PLCB1: variants seen among roughly 807,000 people sequenced by gnomAD.
PLCB1 encodes the protein 1-phosphatidylinositol 4,5-bisphosphate phosphodiesterase beta-1.
In PLCB1, 46 loss-of-function variants were observed where a neutral mutation model predicts 161.8. That is an observed-to-expected ratio of 0.28 (90% confidence interval 0.22 to 0.36). The LOEUF (loss-of-function observed/expected upper bound fraction) is 0.36. PLCB1 is among the 10% of genes least tolerant of loss of function. The pLI, the probability that PLCB1 is intolerant of heterozygous loss-of-function variation, is 1.00. For missense variants in PLCB1, 1,016 were observed against 1,472.5 expected, an observed-to-expected ratio of 0.69 and a Z score of 5.07; for synonymous variants, 517 against 503.7, an observed-to-expected ratio of 1.03 and a Z score of -0.35.
chr20:8,337,780 G>A (rs1303429105), intron 2 of PLCB1, among the ~76,000 whole-genome samples: 1 of 152,136 alleles, frequency 6.6e-6, no homozygotes, highest in Non-Finnish European at 1.5e-5. Context: ...GGAAATAAGT[G>A]ATTTCTTTTC....
chr20:8,654,717 C>T (rs1043961174), intron 7 of PLCB1, among the ~76,000 whole-genome samples: 2 of 151,926 alleles, frequency 1.3e-5, no homozygotes, highest in Non-Finnish European at 2.9e-5. Flanking sequence ...GAGTATTAGA[C>T]CTTGGATTTC....
At chr20:8,227,234 A>T (rs1416370110) in intron 2 of PLCB1, among the ~76,000 whole-genome samples, 1 of 152,174 alleles carries the variant, frequency 6.6e-6, no homozygotes, top group Non-Finnish European at 1.5e-5. Context: ...AGTCTAGGTC[A>T]TGAATGAGGA....
chr20:8,826,322 C>T (rs550945816), intron 31 of PLCB1, among the ~76,000 whole-genome samples: 7 of 151,760 alleles, frequency 4.6e-5, no homozygotes, highest in Non-Finnish European at 8.8e-5. Flanking sequence ...GGTGAAACCC[C>T]GTCTCTACTA....
At chr20:8,706,653 C>T (rs552558137) in intron 11 of PLCB1, among the ~76,000 whole-genome samples, 1 of 152,240 alleles carries the variant, frequency 6.6e-6, no homozygotes, top group Non-Finnish European at 1.5e-5. Context: ...GGGCTTTGCT[C>T]TTAGCTGGCT....
At chr20:8,373,111 T>C (rs1355329480) in intron 3 of PLCB1, among the ~76,000 whole-genome samples, 2 of 152,230 alleles carry the variant, frequency 1.3e-5, no homozygotes, top group East Asian at 3.8e-4. Flanking sequence ...AAACCACTGT[T>C]AGATCCTCAA....
intron 31 of PLCB1, among the ~76,000 whole-genome samples, chr20:8,825,018 C>T (rs189309604): frequency 5.3e-5 from 8 of 152,278 alleles, no homozygotes; most frequent in Non-Finnish European, 7.3e-5. Context: ...TATATCTCTT[C>T]CCATCCCCAG....
intron 3 of PLCB1, among the ~76,000 whole-genome samples, chr20:8,552,855 G>A (rs1278514611): frequency 2.6e-5 from 4 of 152,012 alleles, no homozygotes. Context: ...CCATCCAGGT[G>A]GTAAGTTTTA....
At chr20:8,680,184 A>G (rs548104205) in intron 9 of PLCB1, among the ~76,000 whole-genome samples, 1 of 152,300 alleles carries the variant, frequency 6.6e-6, no homozygotes, top group South Asian at 2.1e-4. Flanking sequence ...GGATCAGAAA[A>G]AAAAATTGTA....
intron 2 of PLCB1, among the ~76,000 whole-genome samples, chr20:8,213,394 AG>A (rs1291958452): frequency 6.6e-6 from 1 of 152,178 alleles, no homozygotes; most frequent in African/African-American, 2.4e-5. Context: ...AAGGTGAGTA[AG>A]AACTAATTAT....
chr20:8,792,871 A>C, intron 31 of PLCB1: 1 of 327,882 alleles, frequency 3.0e-6, no homozygotes, highest in South Asian at 2.7e-5. Context: ...AAAGAACAAA[A>C]TCAAGTGTGA....
chr20:8,478,417 C>T (rs1269231236), intron 3 of PLCB1, among the ~76,000 whole-genome samples: 1 of 151,952 alleles, frequency 6.6e-6, no homozygotes, highest in Non-Finnish European at 1.5e-5. Flanking sequence ...ATTTAGGCTT[C>T]ACAGAGCCAA....
At position 8,262,088 on chromosome 20, in the gene PLCB1, A is replaced by G. The variant is rs143898712; in HGVS notation, c.178-109294A>G. ...GTTTGTTTGTTTGTTTTTGAGACAG[A>G]GTCTTGCTCTGTCAGAGTCTTGCCA... On this transcript the variant is annotated intron_variant, in intron 2 of 31. Coordinates refer to ENST00000338037, the MANE Select transcript of PLCB1 (RefSeq NM_015192.4). Among the ~76,000 whole-genome samples, 46 of 152,008 alleles carry G rather than the reference A, an allele frequency of 3.0e-4. No homozygotes were observed. In the East Asian group the frequency reaches 8.9e-3, roughly 30 times the overall value.
At chr20:8,322,544 A>T (rs1272399141) in intron 2 of PLCB1, among the ~76,000 whole-genome samples, 2 of 66,810 alleles carry the variant, frequency 3.0e-5, no homozygotes, top group African/African-American at 1.9e-4. Context: ...CTTAAGGTTA[A>T]AAAAAAAAAA....
chr20:8,494,843 T>C (rs1983092603), intron 3 of PLCB1, among the ~76,000 whole-genome samples: 1 of 152,194 alleles, frequency 6.6e-6, no homozygotes, highest in East Asian at 1.9e-4. Flanking sequence ...GCTCCAAATT[T>C]CAGTTTCATG....
At chr20:8,345,050 A>G (rs547388592) in intron 2 of PLCB1, among the ~76,000 whole-genome samples, 3 of 152,328 alleles carry the variant, frequency 2.0e-5, no homozygotes, top group African/African-American at 7.2e-5. Flanking sequence ...TACATTTGGT[A>G]CAATGCATAC....
intron 4 of PLCB1, 61 bp downstream of exon 4, chr20:8,628,492 C>T: frequency 1.3e-6 from 2 of 1,544,032 alleles, no homozygotes; most frequent in South Asian, 1.1e-5. Flanking sequence ...AGCTATCATA[C>T]TAATGCCTGC....
chr20:8,763,332 G>C (rs1348375744), intron 25 of PLCB1, among the ~76,000 whole-genome samples: 1 of 152,078 alleles, frequency 6.6e-6, no homozygotes, highest in African/African-American at 2.4e-5. Context: ...CTCCCGAGTG[G>C]CTGGGATTAC....
chr20:8,265,640 T>A (rs965800962), intron 2 of PLCB1, among the ~76,000 whole-genome samples: 2 of 152,190 alleles, frequency 1.3e-5, no homozygotes, highest in Non-Finnish European at 2.9e-5. Context: ...CTGCAACATA[T>A]GAACTTCAGT....
At chr20:8,185,978 A>G (rs939634347) in intron 2 of PLCB1, among the ~76,000 whole-genome samples, 7 of 152,142 alleles carry the variant, frequency 4.6e-5, no homozygotes, top group Admixed American at 3.9e-4. Context: ...TTTTGGTCTC[A>G]CTTGTTTTCT....
Sources: gnomAD v4.1 joint callset for allele counts (sites outside exome capture counted in the v4.1 genomes callset) on GRCh38, gnomAD v4.1.1 for gene constraint, MANE v1.5 for transcripts, NCBI Gene and HGNC (gene_info 2026-07-23, HGNC 2026-07-21) for gene names.